The following TEX36 variants were observed in gnomAD, a reference collection of about 807,000 sequenced individuals.
TEX36 encodes the protein testis expressed 36, also known as testis-expressed protein 36.
In TEX36, 12 loss-of-function variants were observed where a neutral mutation model predicts 13.6. The ratio of observed to expected loss-of-function variants is 0.88; its 90% CI spans 0.56 to 1.43. The LOEUF (loss-of-function observed/expected upper bound fraction) is 1.43, where lower values mean the gene tolerates loss of function less well. Among genes scored for constraint, TEX36 ranks in the 40% most tolerant of loss-of-function variants. TEX36 has a pLI of 0.00. For synonymous variants in TEX36, 93 were observed against 83.0 expected (o/e 1.12, Z -0.65); for missense variants, 224 against 228.3 (o/e 0.98, Z 0.12).
chr10:125,630,629 G>T (rs1027976112), intron 3 of TEX36, among the ~76,000 whole-genome samples: 1 of 152,124 alleles, frequency 6.6e-6, no homozygotes, highest in Non-Finnish European at 1.5e-5. Flanking sequence ...ACATGAATAC[G>T]GGGAAATGCG....
At chr10:125,588,898 G>T (rs932011190) in intron 3 of TEX36, among the ~76,000 whole-genome samples, 1 of 152,180 alleles carries the variant, frequency 6.6e-6, no homozygotes, top group African/African-American at 2.4e-5. Flanking sequence ...TTGCAGGCGT[G>T]AGCCACGGCA....
chr10:125,588,714 A>T (rs191481697), intron 3 of TEX36, among the ~76,000 whole-genome samples: 1 of 152,316 alleles, frequency 6.6e-6, no homozygotes, highest in African/African-American at 2.4e-5. Flanking sequence ...TCCCGGGTTC[A>T]AGCGATTCTC....
chr10:125,663,067 G>A (rs1405415151), intron 1 of TEX36, among the ~76,000 whole-genome samples: 1 of 152,198 alleles, frequency 6.6e-6, no homozygotes, highest in Non-Finnish European at 1.5e-5. Context: ...TCAGAGGCTG[G>A]ACATTCAGAG....
chr10:125,637,413 T>C (rs985188058), intron 3 of TEX36, among the ~76,000 whole-genome samples: 1 of 152,132 alleles, frequency 6.6e-6, no homozygotes, highest in Non-Finnish European at 1.5e-5. Context: ...ATTGCAGAGT[T>C]TCCTTCCTTT....
At chr10:125,667,225 T>A in intron 1 of TEX36, 1 of 634,480 alleles carries the variant, frequency 1.6e-6, no homozygotes. Flanking sequence ...AGAAAACTTC[T>A]GGATGCAGGG....
chr10:125,665,414 A>AT (rs1053973177), intron 1 of TEX36, among the ~76,000 whole-genome samples: 1 of 152,054 alleles, frequency 6.6e-6, no homozygotes, highest in Non-Finnish European at 1.5e-5. Context: ...TTTTGAGTTG[A>AT]TTTTTTTATA....
In TEX36 at chr10:125,661,902, G is replaced by A. The variant is rs1237070747; in HGVS notation, c.127C>T (p.His43Tyr). The A allele has an allele frequency of 1.9e-6, 3 of 1,552,304 alleles. No individual in the cohort carries two copies. The highest frequency in any genetic ancestry group is 2.6e-6 in the Non-Finnish European group (3 of 1,147,120). Residue 43 changes from histidine to tyrosine, a missense_variant, in exon 2 of 4, where the codon CAC becomes TAC. His to Tyr is a moderately conservative substitution (Grantham distance 83, BLOSUM62 2). Transcript: ENST00000368821. Reference sequence around the variant, plus strand: ...TTCCCCTCCGCTTGCCGAGGCAAGTGTGGACTCTGGGGCTCTTTTGACGTA... The same window carrying A: ...TTCCCCTCCGCTTGCCGAGGCAAGTATGGACTCTGGGGCTCTTTTGACGTA... ...SATSKEPQSP[H>Y]LPRQAEGKLP...
intron 3 of TEX36, among the ~76,000 whole-genome samples, chr10:125,599,270 C>A (rs190431952): frequency 6.6e-6 from 1 of 152,190 alleles, no homozygotes; most frequent in Non-Finnish European, 1.5e-5. Flanking sequence ...AAAACTGAAA[C>A]CTGTCTCAGT....
At chr10:125,648,087 C>T (rs536170771) in intron 3 of TEX36, among the ~76,000 whole-genome samples, 135 of 152,320 alleles carry the variant, frequency 8.9e-4, no homozygotes, top group Admixed American at 2.0e-3. Context: ...CAGGGCATAG[C>T]CAAACAAAAG....
intron 3 of TEX36, among the ~76,000 whole-genome samples, chr10:125,591,567 G>T (rs918729969): frequency 3.9e-5 from 6 of 152,178 alleles, no homozygotes; most frequent in Non-Finnish European, 7.3e-5. Context: ...GTGTACACAT[G>T]CTGGGAAACC....
At chr10:125,635,502 C>A (rs1846612396) in intron 3 of TEX36, among the ~76,000 whole-genome samples, 1 of 152,212 alleles carries the variant, frequency 6.6e-6, no homozygotes, top group South Asian at 2.1e-4. Context: ...CTGTCCATGG[C>A]AAAGGCATTT....
intron 3 of TEX36, among the ~76,000 whole-genome samples, chr10:125,605,958 T>A (rs973361695): frequency 2.6e-5 from 4 of 152,210 alleles, no homozygotes; most frequent in African/African-American, 9.6e-5. Context: ...TTCATCTTAT[T>A]TATTAAAACC....
At chr10:125,599,597 C>T (rs1477034086) in intron 3 of TEX36, among the ~76,000 whole-genome samples, 2 of 152,086 alleles carry the variant, frequency 1.3e-5, no homozygotes, top group African/African-American at 2.4e-5. Flanking sequence ...GGAAAGATGG[C>T]GCATATGAGC....
At chr10:125,669,504 G>A (rs1036516820) in intron 1 of TEX36, among the ~76,000 whole-genome samples, 5 of 151,058 alleles carry the variant, frequency 3.3e-5, no homozygotes, top group African/African-American at 9.7e-5. Flanking sequence ...AAAATTCCTC[G>A]GCTTTTGCTG....
intron 3 of TEX36, among the ~76,000 whole-genome samples, chr10:125,590,773 GT>G (rs1210745153): frequency 3.3e-5 from 5 of 152,136 alleles, no homozygotes; most frequent in Non-Finnish European, 7.3e-5. Context: ...TTTACTTTGT[GT>G]TGATCTTTTG....
intron 3 of TEX36, among the ~76,000 whole-genome samples, chr10:125,599,303 C>T (rs2133540362): frequency 1.3e-5 from 2 of 152,298 alleles, no homozygotes; most frequent in South Asian, 4.1e-4. Flanking sequence ...AGACGCATGT[C>T]CTGGGCTCTT....
chr10:125,662,575 C>T (rs1473701516), intron 1 of TEX36, among the ~76,000 whole-genome samples: 1 of 152,056 alleles, frequency 6.6e-6, no homozygotes, highest in Non-Finnish European at 1.5e-5. Flanking sequence ...TTGCAATCTC[C>T]CAACAAAAGC....
intron 3 of TEX36, among the ~76,000 whole-genome samples, chr10:125,631,952 G>A (rs1176879912): frequency 6.6e-6 from 1 of 152,124 alleles, no homozygotes; most frequent in Admixed American, 6.5e-5. Flanking sequence ...TGTATTTTAG[G>A]AGAAGCCCTC....
At chr10:125,598,836 C>T (rs1846110480) in intron 3 of TEX36, among the ~76,000 whole-genome samples, 1 of 152,202 alleles carries the variant, frequency 6.6e-6, no homozygotes, top group Non-Finnish European at 1.5e-5. Context: ...AAATTCCTAA[C>T]ATTGAGCTGT....
Sources: gnomAD v4.1 joint callset for allele counts (sites outside exome capture counted in the v4.1 genomes callset) on GRCh38, gnomAD v4.1.1 for gene constraint, MANE v1.5 for transcripts, NCBI Gene and HGNC (gene_info 2026-07-23, HGNC 2026-07-21) for gene names.